The following RCBTB1 variants were observed in gnomAD, a reference collection of about 807,000 sequenced individuals.
RCBTB1 encodes RCC1 and BTB domain-containing protein 1.
RCBTB1 carries 46 observed loss-of-function variants against 62.4 expected under a neutral mutation model. The ratio of observed to expected loss-of-function variants is 0.74; its 90% confidence interval spans 0.58 to 0.94. The LOEUF (loss-of-function observed/expected upper bound fraction) is 0.94, where lower values mean the gene tolerates loss of function less well. RCBTB1 is among the 40% of genes least tolerant of loss of function. The pLI is 0.00. For missense variants in RCBTB1, 565 were observed against 654.9 expected (o/e 0.86, Z 1.50); for synonymous variants, 222 against 245.8 (o/e 0.90, Z 0.91).
intron 9 of RCBTB1, 62 bp from the exon 10 acceptor site, chr13:49,544,925 A>C: frequency 2.1e-6 from 3 of 1,412,776 alleles, no homozygotes; most frequent in Middle Eastern, 1.8e-4. Context: ...GATTCAAAAG[A>C]CTTCAAAAAG....
rs776103256 is a variant in RCBTB1 at position 49,541,670 on chromosome 13, C to T, written c.1324+6G>A. The T allele has an allele frequency of 1.2e-6, 2 of 1,606,002 alleles. No individual in the cohort carries two copies. Among genetic ancestry groups the T allele is most frequent in the Non-Finnish European group, 8.5e-7 (1 of 1,177,184 alleles). ...CGGCTCGTCCATCCCAATGCTACCA[C>T]AGTACCTATAGCATCTTCTGGCGGC... On this transcript the variant is annotated splice_donor_region_variant and intron_variant, in intron 11 of 12. Transcript: ENST00000378302.
intron 5 of RCBTB1, among the ~76,000 whole-genome samples, chr13:49,559,708 G>A (rs1962274148): frequency 6.6e-6 from 1 of 151,394 alleles, no homozygotes; most frequent in Admixed American, 6.6e-5. Context: ...AGGACAGAAT[G>A]GGAGTGAATG....
chr13:49,583,386 ATGTGTGTG>A lies in RCBTB1; in HGVS notation c.-122+2050_-122+2057del, dbSNP rs6145049. On this transcript the variant is annotated intron_variant, in intron 1 of 12. Transcript: ENST00000378302. ...CCAGGAAAGAAGTGTGCTTTTGTGT[ATGTGTGTG>A]TGTGTGTGTGTGTGTGTGTTTTAAA... 1.3e-4 allele frequency among the ~76,000 whole-genome samples: 20 copies of A among 149,820 alleles called. No individual in the cohort carries two copies. In the East Asian group the frequency reaches 2.2e-3, roughly 16 times the overall value.
At chr13:49,556,954 G>A (rs1419787457) in intron 5 of RCBTB1, among the ~76,000 whole-genome samples, 1 of 152,154 alleles carries the variant, frequency 6.6e-6, no homozygotes, top group African/African-American at 2.4e-5. Flanking sequence ...TTCCCTTGCA[G>A]TGCTGCTGAC....
rs182799391 is a variant in RCBTB1 at position 49,545,839 on chromosome 13, A to C, written c.1046-976T>G. On this transcript the variant is annotated intron_variant, in intron 9 of 12. Coordinates refer to ENST00000378302, the MANE Select transcript of RCBTB1 (RefSeq NM_018191.4). ...TTGGTAGCGTGCTGTTACCAGAGCA[A>C]CTCCTAGAGGAGGGACAACAGCTAA... is the stretch of plus-strand genomic sequence containing the variant. 4.6e-5 allele frequency among the ~76,000 whole-genome samples: 7 copies of C among 152,188 alleles called. No homozygotes were observed. In the East Asian group the frequency reaches 1.4e-3, roughly 29 times the overall value.
At chr13:49,573,029 T>C (rs1415068950) in intron 2 of RCBTB1, among the ~76,000 whole-genome samples, 3 of 152,118 alleles carry the variant, frequency 2.0e-5, no homozygotes, top group Non-Finnish European at 4.4e-5. Context: ...CATGGTGCTA[T>C]GGTTTGTCCA....
chr13:49,553,105 C>G (rs1961521147), intron 6 of RCBTB1, among the ~76,000 whole-genome samples: 1 of 152,098 alleles, frequency 6.6e-6, no homozygotes, highest in South Asian at 2.1e-4. Flanking sequence ...TCACTTGAAC[C>G]TGGGAGGCAG....
chr13:49,534,895 G>A (rs536245903), intron 12 of RCBTB1, among the ~76,000 whole-genome samples: 6 of 152,206 alleles, frequency 3.9e-5, no homozygotes, highest in East Asian at 1.9e-4. Context: ...TTAGCCGGGC[G>A]TGGTGGTGGA....
chr13:49,582,391 G>A (rs1450691460), intron 1 of RCBTB1, among the ~76,000 whole-genome samples: 2 of 152,194 alleles, frequency 1.3e-5, no homozygotes, highest in African/African-American at 4.8e-5. Context: ...GGACCCTGAG[G>A]CAGGAGAATC....
chr13:49,574,410 T>C (rs1963630307), intron 2 of RCBTB1, among the ~76,000 whole-genome samples: 2 of 152,204 alleles, frequency 1.3e-5, no homozygotes, highest in South Asian at 4.1e-4. Context: ...TGAGCCACCA[T>C]GCTCGGCCAG....
intron 9 of RCBTB1, among the ~76,000 whole-genome samples, chr13:49,548,823 A>G (rs1428394497): frequency 2.7e-5 from 4 of 150,298 alleles, no homozygotes; most frequent in Non-Finnish European, 5.9e-5. Flanking sequence ...TGACTAATTA[A>G]CGTATAAGGG....
intron 2 of RCBTB1, among the ~76,000 whole-genome samples, chr13:49,577,693 T>G (rs1023089590): frequency 2.6e-5 from 4 of 152,250 alleles, no homozygotes; most frequent in South Asian, 2.1e-4. Context: ...TTTAGAAGCA[T>G]GAAATGAGTT....
Position 49,571,745 on chromosome 13 carries a change from T to C in RCBTB1, c.-41-4425A>G, listed in dbSNP as rs539327275. ...TAAGGCAGCAGAGCGTAACTGTAAA[T>C]ACCACCAAAACTTTCTAATTTACTC... is the stretch of plus-strand genomic sequence containing the variant. On this transcript the variant is annotated intron_variant, in intron 2 of 12. Transcript: ENST00000378302. Among the ~76,000 whole-genome samples the C allele has an allele frequency of 2.0e-5, 3 of 152,260 alleles. No individual in the cohort carries two copies. In the South Asian group the frequency reaches 6.2e-4, roughly 32 times the overall value.
chr13:49,554,944 T>C (rs1321884395), intron 6 of RCBTB1, among the ~76,000 whole-genome samples: 3 of 152,178 alleles, frequency 2.0e-5, no homozygotes, highest in Admixed American at 6.5e-5. Flanking sequence ...AGGTAGTAAA[T>C]AGCCTATTTA....
At chr13:49,566,332 C>A (rs925058176) in intron 4 of RCBTB1, among the ~76,000 whole-genome samples, 3 of 151,932 alleles carry the variant, frequency 2.0e-5, no homozygotes, top group African/African-American at 7.2e-5. Flanking sequence ...CACAAATCCA[C>A]TGAAAAATTA....
At chr13:49,567,352 T>A in intron 2 of RCBTB1, 32 bp from the exon 3 acceptor site, 2 of 1,527,052 alleles carry the variant, frequency 1.3e-6, no homozygotes, top group Admixed American at 1.9e-5. Context: ...CAGAAAAAAA[T>A]TAAATAGTCA....
intron 2 of RCBTB1, among the ~76,000 whole-genome samples, chr13:49,576,842 C>CT (rs140636532): frequency 0.22 from 33,439 of 149,284 alleles, 4,499 homozygotes; most frequent in East Asian, 0.55. Flanking sequence ...GAATCAATGA[C>CT]TTTTTTTTTT....
At chr13:49,582,094 G>T (rs1402680372) in intron 1 of RCBTB1, among the ~76,000 whole-genome samples, 1 of 152,254 alleles carries the variant, frequency 6.6e-6, no homozygotes, top group African/African-American at 2.4e-5. Flanking sequence ...GAACATGTTT[G>T]AATTAATGGG....
chr13:49,568,039 C>T (rs1208521757), intron 2 of RCBTB1, among the ~76,000 whole-genome samples: 1 of 152,200 alleles, frequency 6.6e-6, no homozygotes, highest in Non-Finnish European at 1.5e-5. Flanking sequence ...CCCTCCCTGA[C>T]CCTCTCCTCA....
Sources: gnomAD v4.1 joint callset for allele counts (sites outside exome capture counted in the v4.1 genomes callset) on GRCh38, gnomAD v4.1.1 for gene constraint, MANE v1.5 for transcripts, NCBI Gene and HGNC (gene_info 2026-07-23, HGNC 2026-07-21) for gene names.